PRKN: variants seen among roughly 807,000 people sequenced by gnomAD.
PRKN encodes E3 ubiquitin-protein ligase parkin.
In PRKN, 56 loss-of-function variants were observed where a neutral mutation model predicts 59.5. The ratio of observed to expected loss-of-function variants is 0.94; its 90% CI spans 0.76 to 1.18. PRKN has a LOEUF of 1.18. Ranked by LOEUF, PRKN falls within the 50% of genes most tolerant of loss-of-function variation. The probability of loss-of-function intolerance (pLI) is 0.00; values close to 1 mark genes in which losing one functional copy is unlikely to be tolerated. For synonymous variants in PRKN, 250 were observed against 222.1 expected, an observed-to-expected ratio of 1.13 and a Z score of -1.12; for missense variants, 657 against 596.4, an observed-to-expected ratio of 1.10 and a Z score of -1.06.
chr6:161,811,706 T>A (rs1026352956), intron 6 of PRKN, among the ~76,000 whole-genome samples: 1 of 152,098 alleles, frequency 6.6e-6, no homozygotes, highest in Non-Finnish European at 1.5e-5. Context: ...GTGGATCACC[T>A]GAGGTCAGGA....
chr6:162,596,158 G>A (rs1781488494), intron 1 of PRKN, among the ~76,000 whole-genome samples: 1 of 152,108 alleles, frequency 6.6e-6, no homozygotes, highest in Non-Finnish European at 1.5e-5. Context: ...AAAATATGTG[G>A]AATTCTAAAT....
chr6:161,780,968 A>G (rs1790178784), intron 7 of PRKN, among the ~76,000 whole-genome samples: 1 of 152,206 alleles, frequency 6.6e-6, no homozygotes, highest in South Asian at 2.1e-4. Context: ...ATGCTAAACA[A>G]TCTTGTGACA....
chr6:161,741,537 C>A (rs1788184046), intron 7 of PRKN, among the ~76,000 whole-genome samples: 1 of 152,062 alleles, frequency 6.6e-6, no homozygotes, highest in Non-Finnish European at 1.5e-5. Flanking sequence ...CTCTGTCTTT[C>A]CAGAAAGGCA....
chr6:161,631,235 G>C (rs926814301), intron 7 of PRKN, among the ~76,000 whole-genome samples: 9 of 152,236 alleles, frequency 5.9e-5, no homozygotes, highest in African/African-American at 2.2e-4. Flanking sequence ...TCCATAGATA[G>C]AATTTTTTCT....
intron 3 of PRKN, among the ~76,000 whole-genome samples, chr6:162,202,567 T>C (rs1161140821): frequency 2.0e-5 from 3 of 152,344 alleles, no homozygotes; most frequent in African/African-American, 7.2e-5. Flanking sequence ...GTGAAAGTAC[T>C]ATTTTCTGAC....
At chr6:161,673,334 G>C (rs1387930109) in intron 7 of PRKN, among the ~76,000 whole-genome samples, 1 of 152,220 alleles carries the variant, frequency 6.6e-6, no homozygotes, top group Non-Finnish European at 1.5e-5. Flanking sequence ...TGATGATAAA[G>C]TTGCTTTTCA....
intron 7 of PRKN, among the ~76,000 whole-genome samples, chr6:161,640,679 CT>C (rs1783706834): frequency 6.6e-6 from 1 of 152,106 alleles, no homozygotes; most frequent in African/African-American, 2.4e-5. Context: ...ACCGAGGTTT[CT>C]TTCAGGAAAG....
intron 9 of PRKN, among the ~76,000 whole-genome samples, chr6:161,510,598 G>A (rs548641109): frequency 2.0e-5 from 3 of 152,288 alleles, no homozygotes; most frequent in African/African-American, 7.2e-5. Flanking sequence ...GTATAGAAAG[G>A]CAATTTAACC....
chr6:161,478,108 G>C (rs918941274), intron 9 of PRKN, among the ~76,000 whole-genome samples: 2 of 152,126 alleles, frequency 1.3e-5, no homozygotes, highest in African/African-American at 4.8e-5. Context: ...TCAAGATTTG[G>C]GGCCTGGTTG....
At chr6:162,332,418 C>A (rs1362189950) in intron 2 of PRKN, among the ~76,000 whole-genome samples, 1 of 152,166 alleles carries the variant, frequency 6.6e-6, no homozygotes, top group Non-Finnish European at 1.5e-5. Context: ...CAGGTTTATA[C>A]CTCCTGCCCT....
intron 1 of PRKN, among the ~76,000 whole-genome samples, chr6:162,524,117 T>C (rs1399985860): frequency 1.3e-5 from 2 of 152,160 alleles, no homozygotes; most frequent in Non-Finnish European, 2.9e-5. Flanking sequence ...GAAAAACAAA[T>C]ATGCTTATGA....
In PRKN at chr6:162,235,973, G is replaced by GAA. The variant is rs1338266487; in HGVS notation, c.412+26550_412+26551dup. On this transcript the variant is annotated intron_variant, in intron 3 of 11. Transcript: ENST00000366898. ...AGGAAGAAAGGAAGAAAGAAAGAAA[G>GAA]AAAGAAAGAAAGAAAGAAAGAAAGA... Among the ~76,000 whole-genome samples, 29 of 96,016 alleles carry GAA rather than the reference G, an allele frequency of 3.0e-4. 2 individuals carry two copies. The East Asian group carries it at 0.014, about 45-fold the overall frequency. 63.0% of individuals were successfully genotyped at this position (96,016 alleles called of 152,430 possible). A position where few individuals can be genotyped will look rare whatever the true frequency, so the allele number is the denominator to read the frequency against.
intron 5 of PRKN, among the ~76,000 whole-genome samples, chr6:162,037,469 G>T (rs1431561094): frequency 6.6e-6 from 1 of 151,916 alleles, no homozygotes; most frequent in Non-Finnish European, 1.5e-5. Flanking sequence ...ATGGAAAACA[G>T]ACTTGGAAGA....
intron 1 of PRKN, among the ~76,000 whole-genome samples, chr6:162,463,417 T>C (rs1476743487): frequency 6.6e-6 from 1 of 152,210 alleles, no homozygotes; most frequent in Non-Finnish European, 1.5e-5. Flanking sequence ...ACTACCTCTA[T>C]GCTGGACTAG....
intron 2 of PRKN, among the ~76,000 whole-genome samples, chr6:162,414,726 A>AAAAAAAAAACAAAAAAAGT (rs34838356): frequency 1.1e-5 from 1 of 91,870 alleles, no homozygotes; most frequent in Non-Finnish European, 2.1e-5. Context: ...AAAAAAAAAA[A>AAAAAAAAAACAAAAAAAGT]AGTGAATCTT....
intron 6 of PRKN, among the ~76,000 whole-genome samples, chr6:161,897,953 C>A (rs545922938): frequency 5.7e-5 from 2 of 35,028 alleles, no homozygotes; most frequent in Non-Finnish European, 1.1e-4. Context: ...GGTGACAGAG[C>A]GAGACTCCGT....
chr6:161,970,863 T>C (rs1789996), intron 6 of PRKN, among the ~76,000 whole-genome samples: 74,695 of 151,966 alleles, frequency 0.49, 18,516 homozygotes, highest in Middle Eastern at 0.59. Context: ...TATAGTTTAT[T>C]GTGAATTATT....
chr6:161,404,853 C>T (rs1301869100), intron 9 of PRKN, among the ~76,000 whole-genome samples: 1 of 152,174 alleles, frequency 6.6e-6, no homozygotes, highest in Non-Finnish European at 1.5e-5. Context: ...AACCTGACAT[C>T]CTCTTTCAAG....
chr6:161,852,687 A>G (rs1296269401), intron 6 of PRKN, among the ~76,000 whole-genome samples: 1 of 152,262 alleles, frequency 6.6e-6, no homozygotes, highest in Admixed American at 6.5e-5. Context: ...TTTTTTGAAG[A>G]AACATTAAAT....
Sources: allele counts gnomAD v4.1 joint callset (sites outside exome capture counted in the v4.1 genomes callset), GRCh38; gene constraint gnomAD v4.1.1; transcripts MANE v1.5; gene names NCBI Gene and HGNC (gene_info 2026-07-23, HGNC 2026-07-21).